TACR3: variants seen among roughly 807,000 people sequenced by gnomAD.
TACR3 encodes tachykinin receptor 3, also known as neuromedin-K receptor.
In TACR3, 34 loss-of-function variants were observed where a neutral mutation model predicts 35.0. That is an observed-to-expected ratio of 0.97 (90% CI 0.74 to 1.30). The LOEUF is 1.30. Ranked by LOEUF, TACR3 falls within the 50% of genes most tolerant of loss-of-function variation. TACR3 has a pLI of 0.00. For synonymous variants in TACR3, 233 were observed against 221.1 expected (o/e 1.05, Z -0.48); for missense variants, 558 against 591.7 (o/e 0.94, Z 0.59).
At chr4:103,668,821 C>T (rs972338811) in intron 1 of TACR3, among the ~76,000 whole-genome samples, 11 of 148,762 alleles carry the variant, frequency 7.4e-5, no homozygotes, top group African/African-American at 2.5e-5. Context: ...TGCACTCTGA[C>T]CTAGGTGACA....
intron 1 of TACR3, among the ~76,000 whole-genome samples, chr4:103,712,116 A>C (rs903510267): frequency 1.3e-5 from 2 of 152,154 alleles, no homozygotes; most frequent in African/African-American, 4.8e-5. Flanking sequence ...GCTACCAATG[A>C]CTTTCTTCAC....
intron 3 of TACR3, among the ~76,000 whole-genome samples, chr4:103,648,747 T>C (rs1291832204): frequency 2.0e-5 from 3 of 152,162 alleles, no homozygotes; most frequent in African/African-American, 7.2e-5. Context: ...GCAATAAACA[T>C]GGGAATGGAT....
chr4:103,637,578 G>T (rs1379139998), intron 3 of TACR3, among the ~76,000 whole-genome samples: 1 of 152,136 alleles, frequency 6.6e-6, no homozygotes, highest in Non-Finnish European at 1.5e-5. Context: ...AGTGTTGGAA[G>T]TTCTGGCCAG....
intron 1 of TACR3, among the ~76,000 whole-genome samples, chr4:103,716,263 T>C (rs1277582056): frequency 6.7e-6 from 1 of 148,350 alleles, no homozygotes; most frequent in Non-Finnish European, 1.5e-5. Context: ...GTGTTGGAGG[T>C]ATAGGGGTGA....
intron 3 of TACR3, among the ~76,000 whole-genome samples, chr4:103,603,266 G>A (rs539021377): frequency 6.6e-6 from 1 of 152,336 alleles, no homozygotes; most frequent in South Asian, 2.1e-4. Flanking sequence ...TAGGGTGGGA[G>A]TGACCCGATT....
Position 103,712,236 on chromosome 4 carries a change from C to G in TACR3, c.548+6892G>C, listed in dbSNP as rs567188438. Reference sequence around the variant, plus strand: ...AAGCTGGAGGCATCACGCTACCTGACTTCAAACTATACTACAAGGCTACAG... The same window carrying G: ...AAGCTGGAGGCATCACGCTACCTGAGTTCAAACTATACTACAAGGCTACAG... On this transcript the variant is annotated intron_variant, in intron 1 of 4. Transcript: ENST00000304883. 1.1e-3 allele frequency among the ~76,000 whole-genome samples: 161 copies of G among 152,304 alleles called. 1 individual carries two copies. The highest frequency in any genetic ancestry group is 3.0e-3 in the Admixed American group (46 of 15,300).
At chr4:103,639,308 GGA>G (rs1725289276) in intron 3 of TACR3, among the ~76,000 whole-genome samples, 1 of 152,044 alleles carries the variant, frequency 6.6e-6, no homozygotes, top group Admixed American at 6.6e-5. Flanking sequence ...GGATGAAACT[GGA>G]AACCATCATT....
intron 1 of TACR3, among the ~76,000 whole-genome samples, chr4:103,686,136 T>C (rs1450414381): frequency 6.6e-6 from 1 of 152,182 alleles, no homozygotes; most frequent in Admixed American, 6.6e-5. Flanking sequence ...AGTAAGGCTC[T>C]GTTTGAATCC....
In TACR3 at chr4:103,641,872, C is replaced by A. The variant is rs187219217; in HGVS notation, c.888+14322G>T. Among the ~76,000 whole-genome samples, 959 of 151,864 alleles carry A rather than the reference C, an allele frequency of 6.3e-3. 8 individuals carry two copies. The highest frequency in any genetic ancestry group is 0.017 in the African/African-American group (691 of 41,460). ...ATTATGCTAAGTTATATAAGCCAGG[C>A]ACAGAAAGGCAAATACTTCATAATC... On this transcript the variant is annotated intron_variant, in intron 3 of 4. Coordinates refer to ENST00000304883, the MANE Select transcript of TACR3 (RefSeq NM_001059.3).
intron 1 of TACR3, among the ~76,000 whole-genome samples, chr4:103,704,439 A>G (rs1722740344): frequency 6.6e-6 from 1 of 152,200 alleles, no homozygotes; most frequent in South Asian, 2.1e-4. Flanking sequence ...TAATTTATAA[A>G]CAAAGGTTTA....
At chr4:103,606,938 G>A (rs898772977) in intron 3 of TACR3, among the ~76,000 whole-genome samples, 10 of 152,084 alleles carry the variant, frequency 6.6e-5, no homozygotes, top group Admixed American at 6.6e-4. Context: ...TGCCCATTCA[G>A]TATGATATTG....
chr4:103,622,628 C>T (rs1724808470), intron 3 of TACR3, among the ~76,000 whole-genome samples: 1 of 152,108 alleles, frequency 6.6e-6, no homozygotes, highest in Non-Finnish European at 1.5e-5. Flanking sequence ...GCTGGGGAGG[C>T]TGAGGCAGGA....
At chr4:103,623,645 C>T (rs1331941419) in intron 3 of TACR3, among the ~76,000 whole-genome samples, 1 of 152,036 alleles carries the variant, frequency 6.6e-6, no homozygotes, top group East Asian at 1.9e-4. Flanking sequence ...TATAGGAAGA[C>T]CAGAGAGCAA....
At chr4:103,638,700 G>C (rs1187147818) in intron 3 of TACR3, among the ~76,000 whole-genome samples, 1 of 152,062 alleles carries the variant, frequency 6.6e-6, no homozygotes, top group Non-Finnish European at 1.5e-5. Context: ...ATCTGACAAA[G>C]GGCTACTATC....
Position 103,656,079 on chromosome 4 carries a change from A to T in TACR3, c.888+115T>A. The T allele has an allele frequency of 1.5e-5, 20 of 1,323,436 alleles. No individual in the cohort carries two copies. In the South Asian group the frequency reaches 2.5e-4, roughly 17 times the overall value. 82.0% of individuals were successfully genotyped at this position (1,323,436 alleles called of 1,614,324 possible). On this transcript the variant is annotated intron_variant, in intron 3 of 4. Coordinates refer to ENST00000304883, the MANE Select transcript of TACR3 (RefSeq NM_001059.3). ...GAAAAAAAATTAAAACAAAGACATT[A>T]AAAACAGGAGTAGAGCATCAGATCA...
intron 1 of TACR3, among the ~76,000 whole-genome samples, chr4:103,718,048 T>C (rs1469623520): frequency 1.3e-5 from 2 of 152,202 alleles, no homozygotes; most frequent in African/African-American, 4.8e-5. Context: ...TACTAATACC[T>C]CAGTGCTCAG....
intron 1 of TACR3, among the ~76,000 whole-genome samples, chr4:103,709,782 C>T (rs1009612568): frequency 6.6e-6 from 1 of 151,956 alleles, no homozygotes; most frequent in Admixed American, 6.6e-5. Flanking sequence ...CAGAGACACA[C>T]ATAGGCTCAA....
chr4:103,688,084 A>C (rs1389047381), intron 1 of TACR3, among the ~76,000 whole-genome samples: 1 of 152,176 alleles, frequency 6.6e-6, no homozygotes, highest in African/African-American at 2.4e-5. Flanking sequence ...AGCCCTCAGA[A>C]ATAATGCCGC....
At chr4:103,642,839 G>T (rs12647210) in intron 3 of TACR3, among the ~76,000 whole-genome samples, 23,000 of 151,536 alleles carry the variant, frequency 0.15, 1,808 homozygotes, top group South Asian at 0.21. Context: ...CAACATAAAG[G>T]TATAATAATT....
Sources: gnomAD v4.1 joint callset for allele counts (sites outside exome capture counted in the v4.1 genomes callset) on GRCh38, gnomAD v4.1.1 for gene constraint, MANE v1.5 for transcripts, NCBI Gene and HGNC (gene_info 2026-07-23, HGNC 2026-07-21) for gene names.